The following CHD1 variants were observed in gnomAD, a reference collection of about 807,000 sequenced individuals.
CHD1 encodes the protein ATP-dependent chromatin remodeler CHD1.
Under a neutral mutation model 224.2 loss-of-function variants are expected in CHD1, and 36 were observed. That is an observed-to-expected ratio of 0.16 (90% CI 0.12 to 0.21). The LOEUF is 0.21. CHD1 is among the 10% of genes least tolerant of loss of function. The probability of loss-of-function intolerance (pLI) is 1.00; values close to 1 mark genes in which losing one functional copy is unlikely to be tolerated. For missense variants in CHD1, 1,378 were observed against 1,994.8 expected (o/e 0.69, Z 5.89); for synonymous variants, 668 against 658.3 (o/e 1.01, Z -0.23).
intron 33 of CHD1, among the ~76,000 whole-genome samples, chr5:98,859,677 A>G (rs1165620703): frequency 1.3e-5 from 2 of 152,158 alleles, no homozygotes; most frequent in Admixed American, 6.5e-5. Flanking sequence ...TGGTGACATT[A>G]ACTTTGATCA....
chr5:98,860,918 T>C (rs538607873), intron 32 of CHD1, among the ~76,000 whole-genome samples: 1 of 152,282 alleles, frequency 6.6e-6, no homozygotes. Context: ...ATCTCGAACA[T>C]ATCTACATTC....
intron 33 of CHD1, among the ~76,000 whole-genome samples, chr5:98,859,259 A>G (rs1748286205): frequency 6.6e-6 from 1 of 152,136 alleles, no homozygotes; most frequent in South Asian, 2.1e-4. Flanking sequence ...AGGTTGCAAA[A>G]ATACTGAGTT....
chr5:98,904,302 T>C (rs1440886684), intron 3 of CHD1, among the ~76,000 whole-genome samples: 3 of 152,170 alleles, frequency 2.0e-5, no homozygotes, highest in African/African-American at 7.2e-5. Context: ...TAGCAACATT[T>C]TTCTCTATGA....
Position 98,898,325 on chromosome 5 carries a change from CT to C in CHD1, c.1295del (p.Lys432SerfsTer26). The C allele has an allele frequency of 6.2e-7, 1 of 1,601,572 alleles. No homozygotes were observed. ...SWEDGALISK[K>X]FQACIDEYFS... is the part of the protein sequence containing the mutation. ...AATACTCATCAATGCATGCTTGAAA[CT>C]TTTTGGAAATGAGAGCTCCATCTTC... On this transcript the variant is annotated frameshift_variant, in exon 10 of 36. Coordinates refer to ENST00000614616, the MANE Select transcript of CHD1 (RefSeq NM_001270.4). LOFTEE classifies it high-confidence loss of function.
intron 28 of CHD1, 57 bp from the exon 29 acceptor site, chr5:98,870,860 TG>T: frequency 9.4e-7 from 1 of 1,063,060 alleles, no homozygotes; most frequent in Non-Finnish European, 1.4e-6. Flanking sequence ...AGAAATGTAC[TG>T]GCTAAAAAAT....
chr5:98,921,526 G>A (rs1338073071), intron 2 of CHD1, among the ~76,000 whole-genome samples: 2 of 152,086 alleles, frequency 1.3e-5, no homozygotes, highest in Non-Finnish European at 2.9e-5. Context: ...AACACCGCTG[G>A]TCCACGGACC....
chr5:98,913,367 G>A (rs890407512), intron 2 of CHD1, among the ~76,000 whole-genome samples: 4 of 152,074 alleles, frequency 2.6e-5, no homozygotes, highest in Admixed American at 6.5e-5. Context: ...CTAGCTACTC[G>A]GGAGGCTGAG....
At chr5:98,883,828 T>TAA (rs1655090900) in intron 18 of CHD1, 2 of 45,470 alleles carry the variant, frequency 4.4e-5, no homozygotes, top group African/African-American at 2.1e-4. Context: ...GGAGACTAAA[T>TAA]ATATATATAT....
chr5:98,926,305 A>C, intron 2 of CHD1, 29 bp downstream of exon 2: 1 of 1,380,688 alleles, frequency 7.2e-7, no homozygotes, highest in Non-Finnish European at 9.9e-7. Context: ...TCTTCATAGT[A>C]AACAATTGAT....
intron 2 of CHD1, among the ~76,000 whole-genome samples, chr5:98,923,689 A>G (rs1753257757): frequency 6.6e-6 from 1 of 152,192 alleles, no homozygotes; most frequent in South Asian, 2.1e-4. Flanking sequence ...CTGGGATTAC[A>G]GGCGTAAGCC....
rs1279729499 is a variant in CHD1, at chr5:98,876,496, A to G, written c.3300T>C (p.Ser1100=). 2 of 1,613,434 alleles carry G rather than the reference A, an allele frequency of 1.2e-6. No homozygotes were observed. Among genetic ancestry groups the G allele is most frequent in the Non-Finnish European group, 1.7e-6 (2 of 1,179,376 alleles). The stretch of plus-strand genomic sequence containing the variant: ...GCCTTTTCCCTTCTGAGATGGAATC[A>G]CTATCAGATCCAGAGTATCTCCTAC... ...SRSRRYSGSD[S]DSISEGKRPK... Residue 1100 remains serine, a synonymous_variant, in exon 24 of 36, where the codon AGT becomes AGC. Coordinates refer to ENST00000614616, the MANE Select transcript of CHD1 (RefSeq NM_001270.4).
At position 98,926,481 on chromosome 5, in the gene CHD1, CA is replaced by C; in HGVS notation, c.-96del. The C allele has an allele frequency of 3.4e-6, 2 of 580,534 alleles. No individual in the cohort carries two copies. The highest frequency in any genetic ancestry group is 5.5e-6 in the Non-Finnish European group (2 of 363,082). 36.0% of individuals were successfully genotyped at this position (580,534 alleles called of 1,614,324 possible). The stretch of plus-strand genomic sequence containing the variant: ...CTGACTCCTTGAATATAAAAATTCA[CA>C]GATGAATTTTCTTCAACAGTCACAG... On this transcript the variant is annotated 5_prime_UTR_variant, in exon 2 of 36. Transcript: ENST00000614616.
intron 17 of CHD1, among the ~76,000 whole-genome samples, 171 bp downstream of exon 17, chr5:98,887,917 T>A (rs1750758157): frequency 6.6e-6 from 1 of 151,984 alleles, no homozygotes; most frequent in Non-Finnish European, 1.5e-5. Flanking sequence ...ATATGTAAAG[T>A]CAAGAAAAAC....
chr5:98,889,103 T>C lies in CHD1; in HGVS notation c.2316A>G (p.Glu772=), dbSNP rs1436683665. ...CYLIKPPDNN[E]FYNKQEALQH... is the part of the protein sequence containing the mutation. ...GTAAGGCCTCCTGTTTATTATAGAA[T>C]TCATTATTATCTGGTGGTTTAATGA... is the stretch of plus-strand genomic sequence containing the variant. The change falls in exon 16 of 36, where the codon GAA becomes GAG. Residue 772 remains glutamate (E), a synonymous_variant. Coordinates refer to ENST00000614616, the MANE Select transcript of CHD1 (RefSeq NM_001270.4). The C allele has an allele frequency of 1.9e-6, 3 of 1,594,212 alleles. No individual in the cohort carries two copies. Among genetic ancestry groups the C allele is most frequent in the Non-Finnish European group, 1.7e-6 (2 of 1,164,404 alleles).
At chr5:98,917,441 G>GCT (rs1295044244) in intron 2 of CHD1, among the ~76,000 whole-genome samples, 1 of 151,904 alleles carries the variant, frequency 6.6e-6, no homozygotes, top group Non-Finnish European at 1.5e-5. Context: ...ATGTATTTTT[G>GCT]AAGACTTTTA....
chr5:98,873,805 G>C, intron 25 of CHD1, 82 bp from the exon 26 acceptor site: 1 of 1,279,798 alleles, frequency 7.8e-7, no homozygotes, highest in South Asian at 1.4e-5. Flanking sequence ...TCTATTTCAA[G>C]ATCTGAATAT....
intron 2 of CHD1, among the ~76,000 whole-genome samples, chr5:98,925,889 A>G (rs1740798347): frequency 1.3e-5 from 2 of 151,046 alleles, no homozygotes; most frequent in South Asian, 4.2e-4. Flanking sequence ...ATATTTTGTA[A>G]TTGAGTTCAA....
chr5:98,911,536 T>G (rs1752422987), intron 2 of CHD1, among the ~76,000 whole-genome samples: 1 of 152,180 alleles, frequency 6.6e-6, no homozygotes, highest in Non-Finnish European at 1.5e-5. Flanking sequence ...ACAAATTGCT[T>G]CTTAGCTGTA....
At chr5:98,857,447 T>TC (rs1561472241) in intron 35 of CHD1, among the ~76,000 whole-genome samples, 1 of 152,138 alleles carries the variant, frequency 6.6e-6, no homozygotes, top group African/African-American at 2.4e-5. Context: ...CTACAACTGA[T>TC]GTGTTCATAG....
Sources: allele counts gnomAD v4.1 joint callset (sites outside exome capture counted in the v4.1 genomes callset), GRCh38; gene constraint gnomAD v4.1.1; transcripts MANE v1.5; gene names NCBI Gene and HGNC (gene_info 2026-07-23, HGNC 2026-07-21).